Variants in PLAC8L1 observed in about 807,000 individuals in gnomAD.
PLAC8L1 encodes PLAC8 like 1, also known as PLAC8-like protein 1.
In PLAC8L1, 13 loss-of-function variants were observed where a neutral mutation model predicts 16.3. That is an observed-to-expected ratio of 0.80 (90% CI 0.52 to 1.27). The LOEUF (loss-of-function observed/expected upper bound fraction) is 1.27. Ranked by LOEUF, PLAC8L1 falls within the 50% of genes most tolerant of loss-of-function variation. The probability of loss-of-function intolerance (pLI) is 0.00; values close to 1 mark genes in which losing one functional copy is unlikely to be tolerated. For synonymous variants in PLAC8L1, 78 were observed against 79.3 expected (o/e 0.98, Z 0.09); for missense variants, 184 against 220.2 (o/e 0.84, Z 1.04).
In PLAC8L1 at chr5:146,104,307, T is replaced by G. The variant is rs999243727; in HGVS notation, c.5A>C (p.Asn2Thr). 6.2e-7 allele frequency: 1 copy of G among 1,604,694 alleles called. No individual in the cohort carries two copies. The highest frequency in any genetic ancestry group is 1.7e-5 in the Admixed American group (1 of 59,976). Reference sequence around the variant, plus strand: ...CCTGAAGAAGTTACTTCCAAACCAATTCATAGTGAGAAGTGTTTTCTTGTC... The same window carrying G: ...CCTGAAGAAGTTACTTCCAAACCAAGTCATAGTGAGAAGTGTTTTCTTGTC... MNWFGSNFFRCP... is the reference protein window; with the variant it reads MTWFGSNFFRCP... The change falls in exon 1 of 4, where the codon AAT (asparagine) becomes ACT (threonine). Residue 2 changes from asparagine (N) to threonine (T), a missense_variant. Asn to Thr is a moderately conservative substitution (Grantham distance 65). Transcript: ENST00000311450.
At chr5:146,099,936 C>T (rs1255527844) in intron 1 of PLAC8L1, among the ~76,000 whole-genome samples, 1 of 152,130 alleles carries the variant, frequency 6.6e-6, no homozygotes, top group Non-Finnish European at 1.5e-5. Flanking sequence ...CTACACCTTC[C>T]CAAAGATGAT....
chr5:146,100,781 G>A (rs1336114959), intron 1 of PLAC8L1, among the ~76,000 whole-genome samples: 1 of 152,018 alleles, frequency 6.6e-6, no homozygotes, highest in Admixed American at 6.6e-5. Flanking sequence ...AGACTGCATC[G>A]CATCCCCCAA....
rs555647520 is a variant in PLAC8L1 at position 146,091,581 on chromosome 5, G to A, written c.257-5984C>T. On this transcript the variant is annotated intron_variant, in intron 2 of 3. Coordinates refer to ENST00000311450, the MANE Select transcript of PLAC8L1 (RefSeq NM_001029869.3). The stretch of plus-strand genomic sequence containing the variant: ...GGAGGCCAAGGCAGGAGGATCACTT[G>A]AGGCCAGGAGTTTGAGACCAGCCTG... Among the ~76,000 whole-genome samples, 5 of 152,128 alleles carry A rather than the reference G, an allele frequency of 3.3e-5. No homozygotes were observed. The East Asian group carries it at 9.7e-4, about 29-fold the overall frequency.
chr5:146,099,688 T>G, intron 1 of PLAC8L1, among the ~76,000 whole-genome samples: 1 of 149,198 alleles, frequency 6.7e-6, no homozygotes. Context: ...AAAAAGTTGT[T>G]GCAGTAATAG....
chr5:146,095,844 C>G (rs1291627221), intron 2 of PLAC8L1, among the ~76,000 whole-genome samples: 1 of 152,190 alleles, frequency 6.6e-6, no homozygotes, highest in Non-Finnish European at 1.5e-5. Flanking sequence ...ACATTTAAAG[C>G]TGATTGGACT....
chr5:146,092,502 C>G (rs1763636348), intron 2 of PLAC8L1, among the ~76,000 whole-genome samples: 1 of 149,204 alleles, frequency 6.7e-6, no homozygotes, highest in South Asian at 2.1e-4. Context: ...GATAAATAAG[C>G]TATGGTACAT....
chr5:146,104,144 G>GC, intron 1 of PLAC8L1, 49 bp downstream of exon 1: 1 of 1,600,028 alleles, frequency 6.2e-7, no homozygotes, highest in South Asian at 1.1e-5. Context: ...TGATTCGATA[G>GC]TCCAACTAAA....
rs910225366 is a variant in PLAC8L1, at chr5:146,105,517, C to T, written c.-1206G>A. On this transcript the variant is annotated 5_prime_UTR_variant, in exon 1 of 4. Coordinates refer to ENST00000311450, the MANE Select transcript of PLAC8L1 (RefSeq NM_001029869.3). ...CTCAATAATTTGTTGAATAAATGTGCCCTACATGAAAATTCAGGTTTATAA... is the reference window on the plus strand; with the variant it reads ...CTCAATAATTTGTTGAATAAATGTGTCCTACATGAAAATTCAGGTTTATAA... Among the ~76,000 whole-genome samples, 3 of 142,986 alleles carry T rather than the reference C, an allele frequency of 2.1e-5. No homozygotes were observed. Among genetic ancestry groups the T allele is most frequent in the Non-Finnish European group, 4.5e-5 (3 of 66,388 alleles). 93.8% of individuals were successfully genotyped at this position (142,986 alleles called of 152,430 possible).
At chr5:146,087,086 A>G (rs955690454) in intron 2 of PLAC8L1, among the ~76,000 whole-genome samples, 4 of 152,222 alleles carry the variant, frequency 2.6e-5, no homozygotes, top group Admixed American at 6.5e-5. Flanking sequence ...CTATTCTTCT[A>G]GATGAGTTTT....
intron 2 of PLAC8L1, among the ~76,000 whole-genome samples, chr5:146,097,663 G>A (rs1763740916): frequency 6.6e-6 from 1 of 152,118 alleles, no homozygotes; most frequent in South Asian, 2.1e-4. Flanking sequence ...TTCATTGTGT[G>A]GATTCCTCTT....
At chr5:146,098,095 T>C in intron 2 of PLAC8L1, 61 bp downstream of exon 2, 1 of 1,537,132 alleles carries the variant, frequency 6.5e-7, no homozygotes, top group South Asian at 1.2e-5. Flanking sequence ...GGTTTTCCAC[T>C]CACTGATGTC....
intron 1 of PLAC8L1, 45 bp downstream of exon 1, chr5:146,104,148 A>G (rs753063721): frequency 1.2e-6 from 2 of 1,603,420 alleles, no homozygotes; most frequent in South Asian, 2.2e-5. Context: ...TCGATAGTCC[A>G]ACTAAAGAGC....
At chr5:146,102,926 A>G (rs530401174) in intron 1 of PLAC8L1, among the ~76,000 whole-genome samples, 1 of 152,278 alleles carries the variant, frequency 6.6e-6, no homozygotes, top group African/African-American at 2.4e-5. Context: ...GGCCACTGTT[A>G]TTATTCTAAC....
At chr5:146,087,589 G>T (rs1182880597) in intron 2 of PLAC8L1, among the ~76,000 whole-genome samples, 1 of 152,150 alleles carries the variant, frequency 6.6e-6, no homozygotes, top group East Asian at 1.9e-4. Context: ...CACGATCATG[G>T]CTCACTGCAG....
chr5:146,101,628 CTT>C (rs931147001), intron 1 of PLAC8L1, among the ~76,000 whole-genome samples: 2 of 152,164 alleles, frequency 1.3e-5, no homozygotes, highest in African/African-American at 4.8e-5. Flanking sequence ...AATAGATTCT[CTT>C]GTCTCTTCTG....
intron 2 of PLAC8L1, among the ~76,000 whole-genome samples, chr5:146,097,633 T>C (rs1763740188): frequency 6.6e-6 from 1 of 152,236 alleles, no homozygotes; most frequent in Non-Finnish European, 1.5e-5. Context: ...ACAATATGAC[T>C]TTTCGTGGCT....
At chr5:146,091,872 T>C (rs1580975087) in intron 2 of PLAC8L1, among the ~76,000 whole-genome samples, 1 of 152,200 alleles carries the variant, frequency 6.6e-6, no homozygotes, top group Non-Finnish European at 1.5e-5. Context: ...TTTTGCAAGG[T>C]AAATGTATTG....
intron 2 of PLAC8L1, among the ~76,000 whole-genome samples, chr5:146,094,491 T>C (rs891570532): frequency 3.3e-5 from 5 of 152,214 alleles, no homozygotes; most frequent in Non-Finnish European, 7.3e-5. Flanking sequence ...TCAGTAAACA[T>C]GGTTGAATCA....
intron 2 of PLAC8L1, among the ~76,000 whole-genome samples, chr5:146,088,569 A>C (rs2150033897): frequency 6.6e-6 from 1 of 152,282 alleles, no homozygotes; most frequent in African/African-American, 2.4e-5. Context: ...AGCTTCAAAT[A>C]GTGGATGAAG....
Sources: gnomAD v4.1 joint callset for allele counts (sites outside exome capture counted in the v4.1 genomes callset) on GRCh38, gnomAD v4.1.1 for gene constraint, MANE v1.5 for transcripts, NCBI Gene and HGNC (gene_info 2026-07-23, HGNC 2026-07-21) for gene names.